The following ITGAE variants were observed in gnomAD, a reference collection of about 807,000 sequenced individuals.
ITGAE encodes integrin alpha-E.
Under a neutral mutation model 136.5 loss-of-function variants are expected in ITGAE, and 99 were observed. The observed-to-expected ratio is 0.73, with a 90% confidence interval of 0.62 to 0.86. The LOEUF is 0.86. Ranked by LOEUF, ITGAE falls within the 40% of genes least tolerant of loss-of-function variation. The pLI is 0.00. For synonymous variants in ITGAE, 613 were observed against 591.8 expected (o/e 1.04, Z -0.52); for missense variants, 1,447 against 1,515.3 (o/e 0.95, Z 0.75).
chr17:3,784,712 A>C (rs751528335), intron 1 of ITGAE, among the ~76,000 whole-genome samples: 1 of 152,194 alleles, frequency 6.6e-6, no homozygotes, highest in Non-Finnish European at 1.5e-5. Context: ...TTTCAAGTAC[A>C]CGTGAAACAT....
At chr17:3,741,023 C>G (rs561139230) in intron 19 of ITGAE, among the ~76,000 whole-genome samples, 1 of 149,814 alleles carries the variant, frequency 6.7e-6, no homozygotes, top group East Asian at 1.9e-4. Context: ...CAAAGCGTGG[C>G]GCTCTCTCTA....
intron 28 of ITGAE, 66 bp downstream of exon 28, chr17:3,723,222 C>G: frequency 9.3e-7 from 1 of 1,080,492 alleles, no homozygotes; most frequent in East Asian, 2.4e-5. Context: ...ATGCTATTAT[C>G]TCTTCTAGGG....
intron 17 of ITGAE, 55 bp downstream of exon 17, chr17:3,747,867 G>C: frequency 7.3e-7 from 1 of 1,363,136 alleles, no homozygotes; most frequent in Non-Finnish European, 9.8e-7. Context: ...CCTTACAGAA[G>C]CCAAAAAGGA....
In ITGAE at chr17:3,728,017, C is replaced by T. The variant is rs1203292663; in HGVS notation, c.2986G>A (p.Glu996Lys). The T allele has an allele frequency of 6.2e-7, 1 of 1,613,292 alleles. No individual in the cohort carries two copies. The highest frequency in any genetic ancestry group is 8.5e-7 in the Non-Finnish European group (1 of 1,179,382). ...HKEFLFHVHG[E>K]NLFGAEYQLQ... ...TGGTATTCTGCTCCAAAGAGGTTCTCCCCATGTACCTGCAAATTAAAATCA... is the reference window on the plus strand; with the variant it reads ...TGGTATTCTGCTCCAAAGAGGTTCTTCCCATGTACCTGCAAATTAAAATCA... The change falls in exon 26 of 31, where the codon GAG (glutamate) becomes AAG (lysine). Residue 996 changes from glutamate (E) to lysine (K), a missense_variant. This residue lies in a region of ITGAE where 1,031 missense variants were observed against 1,011.4 expected (regional missense o/e 1.02). Transcript: ENST00000263087.
At chr17:3,788,239 G>T in intron 1 of ITGAE, among the ~76,000 whole-genome samples, 1 of 145,652 alleles carries the variant, frequency 6.9e-6, no homozygotes, top group African/African-American at 2.5e-5. Context: ...TAAGTTTAAT[G>T]AAGTTCAAAA....
intron 8 of ITGAE, among the ~76,000 whole-genome samples, chr17:3,759,140 A>C (rs538039680): frequency 1.4e-4 from 21 of 151,028 alleles, no homozygotes; most frequent in South Asian, 4.2e-4. Context: ...AAAAAACAAA[A>C]AAAAAAAACC....
chr17:3,725,317 A>G (rs1430960477), intron 26 of ITGAE: 1 of 1,614,246 alleles, frequency 6.2e-7, no homozygotes, highest in East Asian at 2.2e-5. Flanking sequence ...TCTGATGCTG[A>G]AAAGGTTTAT....
At position 3,739,805 on chromosome 17, in the gene ITGAE, T is replaced by C. The variant is rs191196326; in HGVS notation, c.2522A>G (p.Gln841Arg). The C allele has an allele frequency of 1.6e-4, 265 of 1,613,866 alleles. No homozygotes were observed. The highest frequency in any genetic ancestry group is 6.7e-4 in the Admixed American group (40 of 60,016). ...AAACTGACGGCTATGTCCAACTCAC[T>C]GAGAGACGGTGGTGGCCAACTGTAA... ...AELQLATTVS[Q>R]QELVVGLTKE... Residue 841 changes from glutamine to arginine, a missense_variant and splice_region_variant, in exon 20 of 31, where the codon CAG becomes CGG. Gln to Arg is a conservative substitution (Grantham distance 43, BLOSUM62 1). Transcript: ENST00000263087.
chr17:3,754,898 C>A (rs1226402622), intron 12 of ITGAE, among the ~76,000 whole-genome samples: 39 of 142,216 alleles, frequency 2.7e-4, no homozygotes, highest in African/African-American at 9.9e-4. Context: ...GCCCACGTGG[C>A]CTCCATGCCC....
Position 3,799,971 on chromosome 17 carries a change from T to G in ITGAE, c.34+1140A>C, listed in dbSNP as rs6502748. On this transcript the variant is annotated intron_variant, in intron 1 of 30. Coordinates refer to ENST00000263087, the MANE Select transcript of ITGAE (RefSeq NM_002208.5). The surrounding 1 kb of genome is among the most constrained non-coding windows in gnomAD (Gnocchi z 4.1). ...CTGTCTCTACTAAAAATACAAAAAT[T>G]AGCCAGGCGTGGTGGCAGGCGCCTG... Among the ~76,000 whole-genome samples the G allele has an allele frequency of 2.0e-5, 3 of 151,828 alleles. No individual in the cohort carries two copies. In the South Asian group the frequency reaches 6.3e-4, roughly 32 times the overall value.
chr17:3,746,668 C>A (rs1467559352), intron 17 of ITGAE, among the ~76,000 whole-genome samples: 1 of 152,098 alleles, frequency 6.6e-6, no homozygotes, highest in Non-Finnish European at 1.5e-5. Context: ...CCATGTTAGC[C>A]AGGATGGTCT....
intron 20 of ITGAE, among the ~76,000 whole-genome samples, chr17:3,737,458 G>A (rs1375299524): frequency 6.9e-6 from 1 of 144,620 alleles, no homozygotes; most frequent in Non-Finnish European, 1.5e-5. Flanking sequence ...TGGCTGAGTG[G>A]TGCCGGTGGC....
chr17:3,755,108 C>CGCCCTCATCAGGTGGCCCG lies in ITGAE; in HGVS notation c.1384+8_1384+9insCGGGCCACCTGATGAGGGC. ...TGGCCCCGCCCTCATCAGGTGGCCC[C>CGCCCTCATCAGGTGGCCCG]GCCCTCACCCAGGTAGCTGTACTGC... On this transcript the variant is annotated intron_variant, in intron 12 of 30. Coordinates refer to ENST00000263087, the MANE Select transcript of ITGAE (RefSeq NM_002208.5). 1 of 1,583,678 alleles carries CGCCCTCATCAGGTGGCCCG rather than the reference C, an allele frequency of 6.3e-7. No homozygotes were observed.
chr17:3,796,595 C>T (rs1369375632), intron 1 of ITGAE, among the ~76,000 whole-genome samples: 2 of 152,210 alleles, frequency 1.3e-5, no homozygotes, highest in African/African-American at 4.8e-5. Context: ...GGCCCTCCCT[C>T]CCAATCCCCC....
chr17:3,720,261 G>C (rs768448188), intron 29 of ITGAE, 46 bp downstream of exon 29: 1 of 895,986 alleles, frequency 1.1e-6, no homozygotes, highest in South Asian at 1.3e-5. Flanking sequence ...TCAAAGGTTA[G>C]GCACAATTTT....
Position 3,777,664 on chromosome 17 carries a change from T to C in ITGAE, c.35-4A>G. Reference sequence around the variant, plus strand: ...AAAGCGGCCAGCAGGGCCAGGCCTGTAGGGAAAAGAGGAGCGTTTAATGAA... The same window carrying C: ...AAAGCGGCCAGCAGGGCCAGGCCTGCAGGGAAAAGAGGAGCGTTTAATGAA... On this transcript the variant is annotated splice_polypyrimidine_tract_variant and splice_region_variant and intron_variant, in intron 1 of 30. Coordinates refer to ENST00000263087, the MANE Select transcript of ITGAE (RefSeq NM_002208.5). 6.2e-7 allele frequency: 1 copy of C among 1,606,782 alleles called. No homozygotes were observed.
At chr17:3,788,743 AAAT>A (rs1184921694) in intron 1 of ITGAE, among the ~76,000 whole-genome samples, 1 of 146,520 alleles carries the variant, frequency 6.8e-6, no homozygotes, top group Non-Finnish European at 1.5e-5. Flanking sequence ...ATAATTATTA[AAAT>A]AATTATTTAA....
rs149993025 is a variant in ITGAE at position 3,752,136 on chromosome 17, G to T, written c.1669-262C>A. 7.1e-3 allele frequency among the ~76,000 whole-genome samples: 1,076 copies of T among 152,228 alleles called. 8 individuals are homozygous for T. Among genetic ancestry groups the T allele is most frequent in the African/African-American group, 0.023 (946 of 41,546 alleles). On this transcript the variant is annotated intron_variant, in intron 14 of 30. Coordinates refer to ENST00000263087, the MANE Select transcript of ITGAE (RefSeq NM_002208.5). ...CACTCCGTTGCCACCCAGGATGCACGCTCACTGGCCAGGGACCTTCCCAAG... is the reference window on the plus strand; with the variant it reads ...CACTCCGTTGCCACCCAGGATGCACTCTCACTGGCCAGGGACCTTCCCAAG...
chr17:3,724,059 C>T, intron 26 of ITGAE: 1 of 1,597,280 alleles, frequency 6.3e-7, no homozygotes, highest in Non-Finnish European at 8.5e-7. Flanking sequence ...GGACCGGAGG[C>T]GTTTCTTCAA....
Sources: allele counts gnomAD v4.1 joint callset (sites outside exome capture counted in the v4.1 genomes callset), GRCh38; gene constraint gnomAD v4.1.1; regional missense constraint gnomAD v4.1.1; non-coding constraint Gnocchi (gnomAD v3.1); transcripts MANE v1.5; gene names NCBI Gene and HGNC (gene_info 2026-07-23, HGNC 2026-07-21).